Variants in PEX5L observed in about 807,000 individuals in gnomAD.
The protein encoded by PEX5L is PEX5-related protein.
In PEX5L, 30 loss-of-function variants were observed where a neutral mutation model predicts 84.0. The observed-to-expected ratio is 0.36, with a 90% CI of 0.27 to 0.48. The LOEUF (loss-of-function observed/expected upper bound fraction) is 0.48, where lower values mean the gene tolerates loss of function less well. PEX5L is among the 20% of genes least tolerant of loss of function. The pLI is 0.99. For missense variants in PEX5L, 533 were observed against 754.6 expected, an observed-to-expected ratio of 0.71 and a Z score of 3.44; for synonymous variants, 270 against 283.1, an observed-to-expected ratio of 0.95 and a Z score of 0.46.
At chr3:179,811,945 C>T in intron 10 of PEX5L, 74 bp from the exon 11 acceptor site, 1 of 1,166,564 alleles carries the variant, frequency 8.6e-7, no homozygotes, top group Middle Eastern at 1.9e-4. Context: ...GTTTGTTGAC[C>T]TGTGATGGAT....
rs1717205218 is a variant in PEX5L at position 179,796,943 on chromosome 3, G to GC, written c.*4884dup. 6.6e-6 allele frequency: 1 copy of GC among 152,068 alleles called. No individual in the cohort carries two copies. The highest frequency in any genetic ancestry group is 1.5e-5 in the Non-Finnish European group (1 of 68,010). The allele number at this position is 152,068 out of a possible 1,614,324, so 9.4% of individuals were successfully genotyped here. A position where few individuals can be genotyped will look rare whatever the true frequency, so the allele number is the denominator to read the frequency against. Reference sequence around the variant, plus strand: ...CTATGTGACATTTATGAAAATTAAGGCCCCATATCTACTTCGTTGTGTGAT... The same window carrying GC: ...CTATGTGACATTTATGAAAATTAAGGCCCCCATATCTACTTCGTTGTGTGAT... On this transcript the variant is annotated 3_prime_UTR_variant, in exon 15 of 15. Coordinates refer to ENST00000467460, the MANE Select transcript of PEX5L (RefSeq NM_016559.3).
intron 1 of PEX5L, among the ~76,000 whole-genome samples, chr3:180,021,623 G>A (rs1790436328): frequency 2.0e-5 from 3 of 152,238 alleles, no homozygotes; most frequent in Admixed American, 2.0e-4. Flanking sequence ...TAATTGAGTG[G>A]ATGGTGGTGC....
At chr3:179,988,211 C>T (rs1787034976) in intron 1 of PEX5L, among the ~76,000 whole-genome samples, 1 of 151,982 alleles carries the variant, frequency 6.6e-6, no homozygotes, top group Non-Finnish European at 1.5e-5. Context: ...ACCAGCCTGG[C>T]CAACATGATA....
At chr3:179,887,829 C>T in intron 3 of PEX5L, 45 bp from the exon 4 acceptor site, 1 of 1,278,770 alleles carries the variant, frequency 7.8e-7, no homozygotes, top group Non-Finnish European at 1.1e-6. Flanking sequence ...TGTTAAACTG[C>T]AGAGTCAGAT....
chr3:179,973,223 G>A (rs1287362242), intron 1 of PEX5L: 1 of 1,284,872 alleles, frequency 7.8e-7, no homozygotes, highest in South Asian at 1.2e-5. Flanking sequence ...TGGAATGTGG[G>A]TCCTTCCATC....
At chr3:179,890,498 A>T (rs1236955362) in intron 3 of PEX5L, among the ~76,000 whole-genome samples, 4 of 152,216 alleles carry the variant, frequency 2.6e-5, no homozygotes, top group Non-Finnish European at 5.9e-5. Flanking sequence ...TCTCTTTGAT[A>T]GTCATTATTT....
Position 179,799,178 on chromosome 3 carries a change from A to G in PEX5L, c.*2650T>C, listed in dbSNP as rs917932508. 1 of 152,196 alleles carries G rather than the reference A, an allele frequency of 6.6e-6. No homozygotes were observed. The highest frequency in any genetic ancestry group is 3.2e-3 in the Middle Eastern group (1 of 316). The allele number at this position is 152,196 out of a possible 1,614,324, so 9.4% of individuals were successfully genotyped here. On this transcript the variant is annotated 3_prime_UTR_variant, in exon 15 of 15. Transcript: ENST00000467460. Reference sequence around the variant, plus strand: ...CGTGGTCTGCCCGCCTCTGCCTCCCAAAGTGCTAGGATTACAGGCGTGAGC... The same window carrying G: ...CGTGGTCTGCCCGCCTCTGCCTCCCGAAGTGCTAGGATTACAGGCGTGAGC...
intron 1 of PEX5L, among the ~76,000 whole-genome samples, chr3:179,997,103 T>C (rs556104206): frequency 7.9e-5 from 12 of 152,248 alleles, no homozygotes; most frequent in Non-Finnish European, 1.6e-4. Context: ...TGAGGAAGGA[T>C]CCCACTACAT....
intron 2 of PEX5L, among the ~76,000 whole-genome samples, chr3:179,902,375 G>A (rs988230544): frequency 2.0e-5 from 3 of 152,154 alleles, no homozygotes; most frequent in African/African-American, 7.2e-5. Context: ...TCATGATCTC[G>A]CTCAGATTTG....
chr3:180,028,002 C>T (rs1047210968), intron 1 of PEX5L, among the ~76,000 whole-genome samples: 2 of 152,172 alleles, frequency 1.3e-5, no homozygotes, highest in Admixed American at 1.3e-4. Flanking sequence ...GGCACATGCT[C>T]CATCTGTCCA....
chr3:179,842,490 A>G (rs927656760), intron 8 of PEX5L, among the ~76,000 whole-genome samples: 2 of 152,164 alleles, frequency 1.3e-5, no homozygotes, highest in African/African-American at 4.8e-5. Flanking sequence ...TCTTGGTCCA[A>G]TTTGAAGAAC....
rs1745977503 is a variant in PEX5L, at chr3:179,861,128, T to C, written c.727-1971A>G. On this transcript the variant is annotated intron_variant, in intron 7 of 14. Coordinates refer to ENST00000467460, the MANE Select transcript of PEX5L (RefSeq NM_016559.3). ...TATTAAAACATTAATTTATGTTTCC[T>C]CCTCTTTGTTGGGAATACTTCTGTA... Among the ~76,000 whole-genome samples the C allele has an allele frequency of 2.6e-5, 4 of 152,258 alleles. 1 individual carries two copies. The highest frequency in any genetic ancestry group is 2.0e-4 in the Admixed American group (3 of 15,290).
chr3:179,950,821 C>A (rs920676857), intron 2 of PEX5L, among the ~76,000 whole-genome samples: 3 of 152,138 alleles, frequency 2.0e-5, no homozygotes, highest in African/African-American at 7.2e-5. Context: ...GGTCTCCTGG[C>A]TAAGTGAGTG....
chr3:179,999,064 T>G (rs1788151471), intron 1 of PEX5L, among the ~76,000 whole-genome samples: 1 of 152,186 alleles, frequency 6.6e-6, no homozygotes, highest in Non-Finnish European at 1.5e-5. Flanking sequence ...GGTTGTGCAC[T>G]TTACATGGAA....
At chr3:180,028,707 C>A (rs1482083015) in intron 1 of PEX5L, among the ~76,000 whole-genome samples, 2 of 152,322 alleles carry the variant, frequency 1.3e-5, no homozygotes, top group Middle Eastern at 3.4e-3. Flanking sequence ...GTTTCCCCAT[C>A]TGTGAGATGA....
chr3:179,976,393 G>C (rs1024723163), intron 1 of PEX5L, among the ~76,000 whole-genome samples: 1 of 152,134 alleles, frequency 6.6e-6, no homozygotes, highest in Non-Finnish European at 1.5e-5. Flanking sequence ...TAGGAAGATA[G>C]TGAGAAAAGA....
At chr3:180,026,018 C>T (rs1790916816) in intron 1 of PEX5L, among the ~76,000 whole-genome samples, 1 of 151,758 alleles carries the variant, frequency 6.6e-6, no homozygotes, top group Non-Finnish European at 1.5e-5. Flanking sequence ...ATGGTTTGAA[C>T]TTGGGGCTGT....
chr3:179,868,507 T>C (rs1749167609), intron 7 of PEX5L, among the ~76,000 whole-genome samples: 1 of 152,160 alleles, frequency 6.6e-6, no homozygotes, highest in African/African-American at 2.4e-5. Context: ...CAAAATGTTT[T>C]ACTCCAAAAT....
intron 4 of PEX5L, 21 bp downstream of exon 4, chr3:179,887,652 A>T: frequency 7.1e-7 from 1 of 1,407,086 alleles, no homozygotes; most frequent in Non-Finnish European, 1.0e-6. Context: ...GTTGAGGAAC[A>T]GTTAAAAGTG....
Sources: allele counts gnomAD v4.1 joint callset (sites outside exome capture counted in the v4.1 genomes callset), GRCh38; gene constraint gnomAD v4.1.1; transcripts MANE v1.5; gene names NCBI Gene and HGNC (gene_info 2026-07-23, HGNC 2026-07-21).